The following CCDC141 variants were observed in gnomAD, a reference collection of about 807,000 sequenced individuals.
CCDC141 encodes the protein coiled-coil domain containing 141, also known as coiled-coil domain-containing protein 141.
CCDC141 carries 168 observed loss-of-function variants against 181.0 expected under a neutral mutation model. That is an observed-to-expected ratio of 0.93 (90% CI 0.82 to 1.05). The LOEUF (loss-of-function observed/expected upper bound fraction) is 1.05, where lower values mean the gene tolerates loss of function less well. Among genes scored for constraint, CCDC141 ranks in the 50% least tolerant of loss-of-function variants. The pLI is 0.00. For missense variants in CCDC141, 1,902 were observed against 1,788.5 expected (o/e 1.06, Z -1.14); for synonymous variants, 666 against 642.3 (o/e 1.04, Z -0.56).
chr2:178,951,450 A>G (rs1463211469), intron 5 of CCDC141, among the ~76,000 whole-genome samples: 1 of 152,248 alleles, frequency 6.6e-6, no homozygotes, highest in African/African-American at 2.4e-5. Flanking sequence ...AAAACAATGA[A>G]TCAGAAACTG....
the CCDC141 span, among the ~76,000 whole-genome samples, chr2:178,822,285 A>C: frequency 0.22 from 32,651 of 151,510 alleles, 5,891 homozygotes; most frequent in East Asian, 0.74. Context: ...GAGGGATAGC[A>C]TTAGGAGATA....
At position 179,045,018 on chromosome 2, in the gene CCDC141, TTTA is replaced by T. The variant is rs1313416822; in HGVS notation, c.225+2263_225+2265del. Among the ~76,000 whole-genome samples, 4 of 152,072 alleles carry T rather than the reference TTTA, an allele frequency of 2.6e-5. No individual in the cohort carries two copies. In the East Asian group the frequency reaches 7.7e-4, roughly 29 times the overall value. On this transcript the variant is annotated intron_variant, in intron 2 of 23. Coordinates refer to ENST00000443758, the MANE Select transcript of CCDC141 (RefSeq NM_173648.4). ...TTTTTATTTCATATTTCATTTCTTTTTTATTATTTTACTTTAAGTTTTAGGGTA... is the reference window on the plus strand; with the variant it reads ...TTTTTATTTCATATTTCATTTCTTTTTTATTTTACTTTAAGTTTTAGGGTA...
chr2:178,905,200 CT>C, intron 8 of CCDC141, 128 bp downstream of exon 8: 1 of 834,858 alleles, frequency 1.2e-6, no homozygotes, highest in Non-Finnish European at 1.8e-6. Flanking sequence ...TCAATAGATC[CT>C]TTTAAGCCAT....
the CCDC141 span, among the ~76,000 whole-genome samples, chr2:178,822,268 G>T: frequency 2.0e-5 from 3 of 151,668 alleles, no homozygotes; most frequent in South Asian, 2.1e-4. Flanking sequence ...GGGGTGGGGG[G>T]AGTGGGGAGG....
chr2:178,872,393 C>T, intron 12 of CCDC141, 81 bp from the exon 13 acceptor site: 1 of 1,285,266 alleles, frequency 7.8e-7, no homozygotes, highest in Non-Finnish European at 1.1e-6. Flanking sequence ...TTTTACGAGG[C>T]AAATTCTTTA....
rs4637162 is a variant in CCDC141 at position 178,871,285 on chromosome 2, T to C, written c.2205+142A>G. The C allele has an allele frequency of 0.13, 123,879 of 960,968 alleles. 8,645 individuals carry two copies. Among genetic ancestry groups the C allele is most frequent in the South Asian group, 0.14 (8,150 of 57,604 alleles). 59.5% of individuals were successfully genotyped at this position (960,968 alleles called of 1,614,324 possible). ...AGGAAAAAAGTAAGAAAAATGTCTCTACAGTGGATTTTTAGACAAGCAATA... is the reference window on the plus strand; with the variant it reads ...AGGAAAAAAGTAAGAAAAATGTCTCCACAGTGGATTTTTAGACAAGCAATA... On this transcript the variant is annotated intron_variant, in intron 14 of 23. Transcript: ENST00000443758.
chr2:178,941,958 C>CAAA lies in CCDC141; in HGVS notation c.897+2574_897+2576dup, dbSNP rs66903231. On this transcript the variant is annotated intron_variant, in intron 6 of 23. Coordinates refer to ENST00000443758, the MANE Select transcript of CCDC141 (RefSeq NM_173648.4). The stretch of plus-strand genomic sequence containing the variant: ...TGAGTGACAGAGAGAGATCCCATCT[C>CAAA]AAAAAAAAAAAAAAAAAAAAAAAAA... Among the ~76,000 whole-genome samples, 68 of 71,466 alleles carry CAAA rather than the reference C, an allele frequency of 9.5e-4. 3 individuals are homozygous for CAAA. The highest frequency in any genetic ancestry group is 3.6e-3 in the African/African-American group (58 of 15,920). The allele number at this position is 71,466 out of a possible 152,430, so 46.9% of individuals were successfully genotyped here. A position where few individuals can be genotyped will look rare whatever the true frequency, so the allele number is the denominator to read the frequency against.
At chr2:179,019,074 A>C (rs2042625010) in intron 2 of CCDC141, among the ~76,000 whole-genome samples, 1 of 152,166 alleles carries the variant, frequency 6.6e-6, no homozygotes. Flanking sequence ...GCTTTTTGTC[A>C]GTGTTAATTA....
chr2:178,831,393 GA>G lies in CCDC141; in HGVS notation c.*2779del, dbSNP rs1684243907. 1 of 152,138 alleles carries G rather than the reference GA, an allele frequency of 6.6e-6. No homozygotes were observed. Among genetic ancestry groups the G allele is most frequent in the African/African-American group, 2.4e-5 (1 of 41,436 alleles). 9.4% of individuals were successfully genotyped at this position (152,138 alleles called of 1,614,324 possible). On this transcript the variant is annotated 3_prime_UTR_variant, in exon 24 of 24. Transcript: ENST00000443758. ...TAAAACGTTTTCTGGTGAAAATCTT[GA>G]GTTTAATTTTCACCAGAAAACCTGC...
intron 5 of CCDC141, 129 bp from the exon 6 acceptor site, chr2:178,944,780 T>G: frequency 2.3e-6 from 1 of 431,802 alleles, no homozygotes; most frequent in Non-Finnish European, 4.1e-6. Context: ...AACCATCTCA[T>G]GTATTAAAAT....
intron 21 of CCDC141, among the ~76,000 whole-genome samples, chr2:178,848,051 A>T (rs1685013745): frequency 6.6e-6 from 1 of 152,202 alleles, no homozygotes; most frequent in Non-Finnish European, 1.5e-5. Flanking sequence ...AGCAGCCAGG[A>T]TGGACTAAGA....
At chr2:178,943,827 C>A (rs1689620668) in intron 6 of CCDC141, among the ~76,000 whole-genome samples, 1 of 152,134 alleles carries the variant, frequency 6.6e-6, no homozygotes, top group South Asian at 2.1e-4. Flanking sequence ...AACCAAAACA[C>A]TGGTGCTTTA....
intron 6 of CCDC141, among the ~76,000 whole-genome samples, chr2:178,925,686 G>A (rs867517401): frequency 5.9e-5 from 9 of 152,114 alleles, no homozygotes; most frequent in Admixed American, 2.0e-4. Context: ...TTCTAGTTAA[G>A]TAACAGAGCC....
intron 5 of CCDC141, among the ~76,000 whole-genome samples, chr2:178,952,330 C>A (rs1471930307): frequency 1.3e-5 from 2 of 152,142 alleles, no homozygotes. Flanking sequence ...AATCATTGGG[C>A]ACTTACAATA....
chr2:179,021,195 A>G (rs1375903503), intron 2 of CCDC141, among the ~76,000 whole-genome samples: 1 of 152,190 alleles, frequency 6.6e-6, no homozygotes, highest in African/African-American at 2.4e-5. Context: ...GTTGTAAACC[A>G]TGCTGAATTT....
intron 7 of CCDC141, among the ~76,000 whole-genome samples, chr2:178,911,003 T>C (rs150864668): frequency 1.4e-3 from 216 of 152,348 alleles, no homozygotes; most frequent in Non-Finnish European, 2.0e-3. Context: ...ACCCATTCAA[T>C]AGCACTTTAG....
intron 6 of CCDC141, 50 bp from the exon 7 acceptor site, chr2:178,918,957 GA>G (rs1285346586): frequency 6.9e-7 from 1 of 1,451,672 alleles, no homozygotes; most frequent in Admixed American, 2.1e-5. Context: ...GTTATGGACC[GA>G]ATGCTTGTGT....
In CCDC141 at chr2:178,945,756, A is replaced by G. The variant is rs1477801449; in HGVS notation, c.781-1105T>C. ...TGAAGCAGTCTCAGGATTTCTCTGA[A>G]ATCCTATAACATGGAGAAATGTGTA... On this transcript the variant is annotated intron_variant, in intron 5 of 23. Transcript: ENST00000443758. 2.0e-5 allele frequency among the ~76,000 whole-genome samples: 3 copies of G among 152,088 alleles called. No individual in the cohort carries two copies. The East Asian group carries it at 5.8e-4, about 29-fold the overall frequency.
Position 178,884,994 on chromosome 2 carries a change from C to A in CCDC141, c.1626G>T (p.Trp542Cys). ...CAAATAGGTTTAATTCTTCTGCTAG[C>A]CATCTAGCTTTAGAGGAAAGTGATA... ...EMVSLSSKARWLAEELNLFGQ... is the reference protein window; with the variant it reads ...EMVSLSSKARCLAEELNLFGQ... The change falls in exon 11 of 24, where the codon TGG (tryptophan) becomes TGT (cysteine). Residue 542 changes from tryptophan (W) to cysteine (C), a missense_variant. Trp to Cys is a radical substitution (Grantham distance 215). Coordinates refer to ENST00000443758, the MANE Select transcript of CCDC141 (RefSeq NM_173648.4). 6.5e-7 allele frequency: 1 copy of A among 1,550,228 alleles called. No homozygotes were observed. Among genetic ancestry groups the A allele is most frequent in the Non-Finnish European group, 8.7e-7 (1 of 1,146,698 alleles).
Sources: allele counts gnomAD v4.1 joint callset (sites outside exome capture counted in the v4.1 genomes callset), GRCh38; gene constraint gnomAD v4.1.1; transcripts MANE v1.5; gene names NCBI Gene and HGNC (gene_info 2026-07-23, HGNC 2026-07-21).